The following CCDC33 variants were observed in gnomAD, a reference collection of about 807,000 sequenced individuals.
CCDC33 encodes the protein coiled-coil domain containing 33, also known as coiled-coil domain-containing protein 33.
A neutral mutation model predicts 91.9 loss-of-function variants in CCDC33; 94 were observed. That is an observed-to-expected ratio of 1.02 (90% CI 0.87 to 1.21). The LOEUF (loss-of-function observed/expected upper bound fraction) is 1.21, where lower values mean the gene tolerates loss of function less well. Among genes scored for constraint, CCDC33 ranks in the 50% most tolerant of loss-of-function variants. The pLI, the probability that CCDC33 is intolerant of heterozygous loss-of-function variation, is 0.00. For missense variants in CCDC33, 940 were observed against 935.5 expected, an observed-to-expected ratio of 1.00 and a Z score of -0.06; for synonymous variants, 396 against 374.5, an observed-to-expected ratio of 1.06 and a Z score of -0.66.
At chr15:74,209,688 C>G in intron 2 of CCDC33, 1 of 510,132 alleles carries the variant, frequency 2.0e-6, no homozygotes, top group Admixed American at 3.5e-5. Context: ...TCGGCTGCAT[C>G]CCCCCTCACC....
intron 2 of CCDC33, among the ~76,000 whole-genome samples, chr15:74,245,510 A>G (rs1038455604): frequency 6.6e-6 from 1 of 152,096 alleles, no homozygotes; most frequent in African/African-American, 2.4e-5. Flanking sequence ...CCATAAACCA[A>G]TTATCGCCGA....
chr15:74,217,258 G>T, exon 1 of CCDC33: 2 of 1,252,352 alleles, frequency 1.6e-6, no homozygotes, highest in Non-Finnish European at 2.1e-6. Flanking sequence ...CTGGCAGTTG[G>T]TCTCTCAGTG....
intron 11 of CCDC33, among the ~76,000 whole-genome samples, chr15:74,305,687 C>A (rs1324953033): frequency 6.6e-6 from 1 of 152,220 alleles, no homozygotes; most frequent in Non-Finnish European, 1.5e-5. Flanking sequence ...GGCACCTACT[C>A]ATTCATTCAT....
At chr15:74,296,041 C>T (rs2059680235) in intron 11 of CCDC33, 93 bp downstream of exon 11, 2 of 1,125,176 alleles carry the variant, frequency 1.8e-6, no homozygotes, top group Non-Finnish European at 2.5e-6. Context: ...CTTCATGCCT[C>T]AGGTGGCCAG....
At chr15:74,259,441 T>C (rs16967168) in intron 2 of CCDC33, among the ~76,000 whole-genome samples, 3,348 of 152,076 alleles carry the variant, frequency 0.022, 120 homozygotes, top group African/African-American at 0.077. Context: ...GATTCTAGAA[T>C]AGCATCAAGA....
chr15:74,304,383 G>C (rs2059852714), intron 11 of CCDC33: 1 of 152,140 alleles, frequency 6.6e-6, no homozygotes, highest in African/African-American at 2.4e-5. Flanking sequence ...CGGCAGGGCT[G>C]TTCCCAGACC....
At chr15:74,226,206 G>T (rs2074791066) in intron 2 of CCDC33, among the ~76,000 whole-genome samples, 1 of 152,236 alleles carries the variant, frequency 6.6e-6, no homozygotes, top group East Asian at 1.9e-4. Context: ...GGAGGAAGTG[G>T]TGGGCATGAG....
intron 2 of CCDC33, among the ~76,000 whole-genome samples, chr15:74,220,380 A>G (rs1049399108): frequency 1.3e-5 from 2 of 152,164 alleles, no homozygotes; most frequent in African/African-American, 2.4e-5. Context: ...AATAAAATGC[A>G]TGTCACCTGC....
At chr15:74,274,261 G>C (rs2076395257) in intron 7 of CCDC33, among the ~76,000 whole-genome samples, 2 of 152,252 alleles carry the variant, frequency 1.3e-5, no homozygotes, top group Non-Finnish European at 2.9e-5. Flanking sequence ...TTGAGTATGA[G>C]GTTGGGGGCG....
rs374212755 is a variant in CCDC33 at position 74,295,962 on chromosome 15, C to T, written c.1290+14C>T. ...TCCCATGACACAGTGAGTGTCTCTC[C>T]CCAGGTGGGAAGGGCCGGGGCAGTG... On this transcript the variant is annotated intron_variant, in intron 11 of 18. Transcript: ENST00000398814. 15 of 1,602,186 alleles carry T rather than the reference C, an allele frequency of 9.4e-6. No homozygotes were observed. Among genetic ancestry groups the T allele is most frequent in the Non-Finnish European group, 8.5e-6 (10 of 1,173,914 alleles).
At chr15:74,262,354 A>G in intron 2 of CCDC33, 86 bp from the exon 3 acceptor site, 2 of 1,542,966 alleles carry the variant, frequency 1.3e-6, no homozygotes, top group South Asian at 1.2e-5. Context: ...CCTTTCACTC[A>G]GATTTATGGA....
At chr15:74,203,046 C>G (rs953643472) in exon 1 of CCDC33, 3 of 985,814 alleles carry the variant, frequency 3.0e-6, no homozygotes, top group Non-Finnish European at 3.6e-6. Context: ...CCCTGCCCGC[C>G]ACATCTGCAG....
At position 74,280,780 on chromosome 15, in the gene CCDC33, C is replaced by A; in HGVS notation, c.1002C>A (p.His334Gln). 6.4e-7 allele frequency: 1 copy of A among 1,550,716 alleles called. No homozygotes were observed. The change falls in exon 9 of 19, where the codon CAC (histidine) becomes CAA (glutamine). Residue 334 changes from histidine (H) to glutamine (Q), a missense_variant. By Grantham distance (24) the His-to-Gln change is conservative. Transcript: ENST00000398814. ...CAGGGAAAGGCTTGGACGGGCTTCA[C>A]GTGGAGCGGCTCCCCATCATGGTGA... is the stretch of plus-strand genomic sequence containing the variant. ...MLTGKGLDGL[H>Q]VERLPIMDTS...
chr15:74,205,866 C>G (rs1358614342), intron 1 of CCDC33, among the ~76,000 whole-genome samples: 2 of 152,230 alleles, frequency 1.3e-5, no homozygotes, highest in Admixed American at 1.3e-4. Context: ...GTCCTTTTCC[C>G]CTGGTGGGGG....
At chr15:74,326,276 G>C (rs937058081) in intron 11 of CCDC33, among the ~76,000 whole-genome samples, 5 of 152,240 alleles carry the variant, frequency 3.3e-5, no homozygotes, top group Non-Finnish European at 7.3e-5. Context: ...AGTGAGCTAT[G>C]ATCATGCCAC....
chr15:74,303,554 T>TGGA (rs2059834519), intron 11 of CCDC33: 1 of 153,060 alleles, frequency 6.5e-6, no homozygotes, highest in Non-Finnish European at 1.5e-5. Context: ...CCAGCCTTCC[T>TGGA]GCTGTGTCCC....
At chr15:74,281,022 A>G (rs1018590909) in intron 9 of CCDC33, among the ~76,000 whole-genome samples, 1 of 152,208 alleles carries the variant, frequency 6.6e-6, no homozygotes, top group Non-Finnish European at 1.5e-5. Context: ...AGCCAGAGAA[A>G]TTGCCCCTGA....
At chr15:74,313,179 A>T (rs1455732852) in intron 11 of CCDC33, among the ~76,000 whole-genome samples, 4 of 152,156 alleles carry the variant, frequency 2.6e-5, no homozygotes, top group Non-Finnish European at 4.4e-5. Flanking sequence ...CAAGGCTTGG[A>T]CAGCTCCTAG....
intron 17 of CCDC33, among the ~76,000 whole-genome samples, 170 bp from the exon 18 acceptor site, chr15:74,334,805 C>T (rs919527346): frequency 1.3e-5 from 2 of 152,120 alleles, no homozygotes; most frequent in Non-Finnish European, 1.5e-5. Flanking sequence ...GACTGTTTGG[C>T]CCCCTCACCC....
Sources: gnomAD v4.1 joint callset for allele counts (sites outside exome capture counted in the v4.1 genomes callset) on GRCh38, gnomAD v4.1.1 for gene constraint, MANE v1.5 for transcripts, NCBI Gene and HGNC (gene_info 2026-07-23, HGNC 2026-07-21) for gene names.